Variants in STT3B observed in about 807,000 individuals in gnomAD.
The protein encoded by STT3B is STT3 oligosaccharyltransferase complex catalytic subunit B.
A neutral mutation model predicts 96.8 loss-of-function variants in STT3B; 29 were observed. That is an observed-to-expected ratio of 0.30 (90% CI 0.22 to 0.41). The LOEUF is 0.41. Ranked by LOEUF, STT3B falls within the 10% of genes least tolerant of loss-of-function variation. The probability of loss-of-function intolerance (pLI) is 1.00; values close to 1 mark genes in which losing one functional copy is unlikely to be tolerated. For synonymous variants in STT3B, 367 were observed against 360.0 expected (o/e 1.02, Z -0.22); for missense variants, 640 against 1,022.3 (o/e 0.63, Z 5.10).
intron 1 of STT3B, among the ~76,000 whole-genome samples, chr3:31,544,029 T>G (rs1376248135): frequency 6.6e-6 from 1 of 152,206 alleles, no homozygotes; most frequent in Non-Finnish European, 1.5e-5. Context: ...TAATTGAACT[T>G]GAGAAATATA....
intron 9 of STT3B, among the ~76,000 whole-genome samples, chr3:31,621,662 G>A (rs974235285): frequency 6.6e-6 from 1 of 152,010 alleles, no homozygotes; most frequent in Non-Finnish European, 1.5e-5. Flanking sequence ...AATAACTTAC[G>A]TTCTTCTCAT....
chr3:31,609,328 C>G (rs953912277), intron 5 of STT3B, among the ~76,000 whole-genome samples: 1 of 152,146 alleles, frequency 6.6e-6, no homozygotes, highest in African/African-American at 2.4e-5. Context: ...GCTCTAGAAG[C>G]TACTGAGGAT....
intron 5 of STT3B, among the ~76,000 whole-genome samples, chr3:31,604,176 C>A (rs1365745017): frequency 6.6e-6 from 1 of 151,992 alleles, no homozygotes; most frequent in Non-Finnish European, 1.5e-5. Flanking sequence ...CATATTATAT[C>A]TAAAATGTAT....
intron 3 of STT3B, among the ~76,000 whole-genome samples, chr3:31,580,410 G>A (rs866473682): frequency 2.0e-5 from 3 of 152,092 alleles, no homozygotes; most frequent in South Asian, 2.1e-4. Context: ...TTGAAGCATG[G>A]TTTGATGGCT....
intron 1 of STT3B, among the ~76,000 whole-genome samples, chr3:31,560,267 A>G (rs1477960806): frequency 1.3e-5 from 2 of 151,742 alleles, no homozygotes; most frequent in Non-Finnish European, 2.9e-5. Context: ...TCTTTCTCTC[A>G]TAATTTATCT....
chr3:31,552,484 T>C (rs1015617485), intron 1 of STT3B, among the ~76,000 whole-genome samples: 2 of 152,222 alleles, frequency 1.3e-5, no homozygotes, highest in African/African-American at 4.8e-5. Flanking sequence ...ATTTGACTTT[T>C]AAAAACTTAT....
chr3:31,619,624 A>G (rs1699384364), intron 8 of STT3B, 52 bp from the exon 9 acceptor site: 1 of 1,475,092 alleles, frequency 6.8e-7, no homozygotes. Flanking sequence ...ATCTAAAAGG[A>G]ACTCCTGTTT....
chr3:31,550,726 T>C (rs983707142), intron 1 of STT3B, among the ~76,000 whole-genome samples: 2 of 152,228 alleles, frequency 1.3e-5, no homozygotes, highest in Non-Finnish European at 2.9e-5. Flanking sequence ...AATGTGATTA[T>C]CTAGACAGTG....
rs1697263277 is a variant in STT3B, at chr3:31,541,473, T to G, written c.314+8161T>G. ...TTGTGTCTTTTTTTTTCTTTTTTTG[T>G]TTTTTTTTTTTTTTGGCTGAGCATT... On this transcript the variant is annotated intron_variant, in intron 1 of 15. Transcript: ENST00000295770. Among the ~76,000 whole-genome samples, 3 of 133,708 alleles carry G rather than the reference T, an allele frequency of 2.2e-5. No individual in the cohort carries two copies. The South Asian group carries it at 6.9e-4, about 31-fold the overall frequency. 87.7% of individuals were successfully genotyped at this position (133,708 alleles called of 152,430 possible). A position where few individuals can be genotyped will look rare whatever the true frequency, so the allele number is the denominator to read the frequency against.
intron 5 of STT3B, among the ~76,000 whole-genome samples, chr3:31,613,730 A>T (rs1183418110): frequency 6.6e-6 from 1 of 151,146 alleles, no homozygotes; most frequent in Non-Finnish European, 1.5e-5. Flanking sequence ...CAACAGGCTG[A>T]TTTGTTTAAA....
chr3:31,555,993 T>C (rs1049560764), intron 1 of STT3B, among the ~76,000 whole-genome samples: 2 of 152,186 alleles, frequency 1.3e-5, no homozygotes, highest in Non-Finnish European at 2.9e-5. Flanking sequence ...TTAGAATTTA[T>C]GCCTTGTATC....
chr3:31,575,051 T>G (rs1698235501), intron 1 of STT3B, among the ~76,000 whole-genome samples: 1 of 152,148 alleles, frequency 6.6e-6, no homozygotes, highest in Non-Finnish European at 1.5e-5. Context: ...TTATCATAAG[T>G]CTGTTTCATT....
intron 5 of STT3B, among the ~76,000 whole-genome samples, chr3:31,607,612 G>A (rs892995317): frequency 6.6e-6 from 1 of 152,060 alleles, no homozygotes; most frequent in Non-Finnish European, 1.5e-5. Flanking sequence ...CTAGTCTCAG[G>A]TATGTCTTTA....
chr3:31,592,450 C>T (rs1698687951), intron 3 of STT3B, among the ~76,000 whole-genome samples: 1 of 152,074 alleles, frequency 6.6e-6, no homozygotes, highest in Admixed American at 6.5e-5. Flanking sequence ...GAGTATATAC[C>T]TTGAAGTGGA....
chr3:31,542,908 C>G (rs753589990), intron 1 of STT3B, among the ~76,000 whole-genome samples: 1 of 151,654 alleles, frequency 6.6e-6, no homozygotes, highest in Non-Finnish European at 1.5e-5. Flanking sequence ...CTCTACTAAA[C>G]TACAAAAATT....
chr3:31,581,876 A>C (rs890023430), intron 3 of STT3B, among the ~76,000 whole-genome samples: 1 of 152,136 alleles, frequency 6.6e-6, no homozygotes, highest in Middle Eastern at 3.2e-3. Flanking sequence ...TCTCCTTGCA[A>C]GTTGTCTCTG....
intron 4 of STT3B, among the ~76,000 whole-genome samples, chr3:31,599,984 G>T (rs528737682): frequency 1.3e-5 from 2 of 152,040 alleles, no homozygotes; most frequent in African/African-American, 2.4e-5. Context: ...GTCATAAAAA[G>T]TGGGTGAGGT....
At chr3:31,626,165 C>T in intron 13 of STT3B, 38 bp downstream of exon 13, 1 of 1,546,274 alleles carries the variant, frequency 6.5e-7, no homozygotes, top group Non-Finnish European at 8.9e-7. Flanking sequence ...TGAAAGATAG[C>T]TCACTGTGTC....
chr3:31,588,190 AATACT>A (rs976000440), intron 3 of STT3B, among the ~76,000 whole-genome samples: 1 of 152,160 alleles, frequency 6.6e-6, no homozygotes, highest in African/African-American at 2.4e-5. Flanking sequence ...GGCCTAGAGC[AATACT>A]ACTTTCCAAT....
Sources: gnomAD v4.1 joint callset for allele counts (sites outside exome capture counted in the v4.1 genomes callset) on GRCh38, gnomAD v4.1.1 for gene constraint, MANE v1.5 for transcripts, NCBI Gene and HGNC (gene_info 2026-07-23, HGNC 2026-07-21) for gene names.